The following WWOX variants were observed in gnomAD, a reference collection of about 807,000 sequenced individuals.
WWOX encodes WW domain-containing oxidoreductase.
In WWOX, 69 loss-of-function variants were observed where a neutral mutation model predicts 46.2. The ratio of observed to expected loss-of-function variants is 1.49; its 90% confidence interval spans 1.23 to 1.82. The LOEUF (loss-of-function observed/expected upper bound fraction) is 1.82, where lower values mean the gene tolerates loss of function less well. WWOX is among the 40% of genes most tolerant of loss of function. The probability of loss-of-function intolerance (pLI) is 0.00; values close to 1 mark genes in which losing one functional copy is unlikely to be tolerated. For synonymous variants in WWOX, 359 were observed against 202.6 expected, an observed-to-expected ratio of 1.77 and a Z score of -6.56; for missense variants, 919 against 542.6, an observed-to-expected ratio of 1.69 and a Z score of -6.89.
chr16:78,746,609 C>A (rs1056172876), intron 8 of WWOX, among the ~76,000 whole-genome samples: 24 of 149,638 alleles, frequency 1.6e-4, no homozygotes, highest in African/African-American at 5.9e-4. Flanking sequence ...TTTTTTTTTT[C>A]ATGGGATATT....
At chr16:78,661,227 G>GC (rs948698017) in intron 8 of WWOX, among the ~76,000 whole-genome samples, 1 of 152,008 alleles carries the variant, frequency 6.6e-6, no homozygotes, top group African/African-American at 2.4e-5. Flanking sequence ...AATGCCTGTG[G>GC]CCCCCCAGAA....
chr16:78,594,708 T>G (rs1226654422), intron 8 of WWOX, among the ~76,000 whole-genome samples: 1 of 152,078 alleles, frequency 6.6e-6, no homozygotes, highest in Non-Finnish European at 1.5e-5. Flanking sequence ...CTTTCTCCTT[T>G]GTCCCTTTTT....
Position 78,623,183 on chromosome 16 carries a change from C to G in WWOX, c.1056+190431C>G, listed in dbSNP as rs372532350. Reference sequence around the variant, plus strand: ...AGCTCAGCCATGCCCAGACTCCTATCCTATGGAAGCTTTAAGATAATAAAT... The same window carrying G: ...AGCTCAGCCATGCCCAGACTCCTATGCTATGGAAGCTTTAAGATAATAAAT... On this transcript the variant is annotated intron_variant, in intron 8 of 8. Transcript: ENST00000566780. Among the ~76,000 whole-genome samples the G allele has an allele frequency of 7.9e-5, 12 of 151,700 alleles. No homozygotes were observed. In the East Asian group the frequency reaches 1.4e-3, roughly 17 times the overall value.
intron 8 of WWOX, among the ~76,000 whole-genome samples, chr16:79,200,268 G>A (rs372632694): frequency 9.7e-4 from 148 of 152,292 alleles, no homozygotes; most frequent in African/African-American, 3.2e-3. Context: ...TGTGGAGAGG[G>A]CCTTGGCCAC....
intron 8 of WWOX, among the ~76,000 whole-genome samples, chr16:79,078,389 C>T (rs2048699497): frequency 6.6e-6 from 1 of 152,194 alleles, no homozygotes; most frequent in Admixed American, 6.5e-5. Flanking sequence ...GGAATCACTT[C>T]TCTGATTCTC....
intron 5 of WWOX, among the ~76,000 whole-genome samples, chr16:78,201,104 A>G (rs910299524): frequency 4.6e-5 from 7 of 152,230 alleles, no homozygotes; most frequent in Non-Finnish European, 8.8e-5. Context: ...AAGGGACTGT[A>G]CTATTTGGAA....
At position 78,314,671 on chromosome 16, in the gene WWOX, C is replaced by A. The variant is rs2080319346; in HGVS notation, c.517-72189C>A. Among the ~76,000 whole-genome samples the A allele has an allele frequency of 2.0e-5, 3 of 147,292 alleles. No individual in the cohort carries two copies. In the South Asian group the frequency reaches 6.6e-4, roughly 32 times the overall value. The stretch of plus-strand genomic sequence containing the variant: ...CCCTGAGTAGCTGGGACTACAGGCA[C>A]ACCCCACCCTGCAGGGGTTTTTTTT... On this transcript the variant is annotated intron_variant, in intron 5 of 8. Coordinates refer to ENST00000566780, the MANE Select transcript of WWOX (RefSeq NM_016373.4).
At chr16:78,150,511 T>G (rs1480229634) in intron 4 of WWOX, among the ~76,000 whole-genome samples, 1 of 152,200 alleles carries the variant, frequency 6.6e-6, no homozygotes, top group Non-Finnish European at 1.5e-5. Flanking sequence ...CCTGAGTAGC[T>G]GGGACTACAG....
At chr16:78,133,444 A>G (rs887143978) in intron 4 of WWOX, among the ~76,000 whole-genome samples, 2 of 152,168 alleles carry the variant, frequency 1.3e-5, no homozygotes, top group African/African-American at 4.8e-5. Flanking sequence ...TATTTTTATT[A>G]GAGACGGGGT....
At chr16:78,385,154 C>CACACACACACACACACACACACACAG (rs1555530206) in intron 5 of WWOX, among the ~76,000 whole-genome samples, 1 of 151,804 alleles carries the variant, frequency 6.6e-6, no homozygotes, top group African/African-American at 2.4e-5. Context: ...CACACACACA[C>CACACACACACACACACACACACACAG]ACACACAAAA....
intron 8 of WWOX, among the ~76,000 whole-genome samples, chr16:79,035,601 G>C (rs574514570): frequency 1.3e-5 from 2 of 152,158 alleles, no homozygotes; most frequent in Admixed American, 6.6e-5. Context: ...TGTGGTAGGT[G>C]GGATCTTGGC....
At position 78,340,197 on chromosome 16, in the gene WWOX, T is replaced by C. The variant is rs1257202348; in HGVS notation, c.517-46663T>C. On this transcript the variant is annotated intron_variant, in intron 5 of 8. Coordinates refer to ENST00000566780, the MANE Select transcript of WWOX (RefSeq NM_016373.4). The stretch of plus-strand genomic sequence containing the variant: ...TTCTTTTGGTAATTGTGTTTGATGA[T>C]AGTCTTTTTTTTTTTTTGAGATGGA... Among the ~76,000 whole-genome samples the C allele has an allele frequency of 2.9e-5, 3 of 102,712 alleles. 1 individual carries two copies. The highest frequency in any genetic ancestry group is 4.7e-5 in the Non-Finnish European group (2 of 42,802). The allele number at this position is 102,712 out of a possible 152,430, so 67.4% of individuals were successfully genotyped here. A position where few individuals can be genotyped will look rare whatever the true frequency, so the allele number is the denominator to read the frequency against.
At chr16:78,174,998 GTAATAA>G (rs368742234) in intron 5 of WWOX, among the ~76,000 whole-genome samples, 91 of 140,870 alleles carry the variant, frequency 6.5e-4, no homozygotes, top group African/African-American at 1.8e-3. Flanking sequence ...AAAAATAATA[GTAATAA>G]TAATAATAAT....
chr16:78,572,413 A>C (rs906545273), intron 8 of WWOX, among the ~76,000 whole-genome samples: 9 of 152,030 alleles, frequency 5.9e-5, no homozygotes, highest in South Asian at 2.1e-4. Flanking sequence ...CGGGCAACAT[A>C]CTGAGACCCC....
chr16:79,127,851 A>C (rs2049791759), intron 8 of WWOX, among the ~76,000 whole-genome samples: 1 of 152,200 alleles, frequency 6.6e-6, no homozygotes, highest in South Asian at 2.1e-4. Context: ...ATGTGCTTTA[A>C]GGAGAAATAT....
At chr16:78,967,593 C>T (rs1566882) in intron 8 of WWOX, among the ~76,000 whole-genome samples, 51,663 of 151,104 alleles carry the variant, frequency 0.34, 10,139 homozygotes, top group East Asian at 0.48. Context: ...GTGTGAGCCA[C>T]TATGCCCAAT....
At chr16:78,993,638 C>T (rs1028841016) in intron 8 of WWOX, among the ~76,000 whole-genome samples, 5 of 152,150 alleles carry the variant, frequency 3.3e-5, no homozygotes, top group African/African-American at 1.2e-4. Flanking sequence ...CCAGAGTGAG[C>T]CCATGGCTGT....
intron 8 of WWOX, among the ~76,000 whole-genome samples, chr16:78,645,616 G>T (rs1401067425): frequency 1.3e-5 from 2 of 152,096 alleles, no homozygotes; most frequent in Non-Finnish European, 2.9e-5. Flanking sequence ...GAGCAAGAGA[G>T]GGGAGGGGAG....
intron 8 of WWOX, among the ~76,000 whole-genome samples, chr16:78,467,782 C>T (rs943209856): frequency 6.6e-6 from 1 of 152,160 alleles, no homozygotes; most frequent in African/African-American, 2.4e-5. Flanking sequence ...ACTGAAACTT[C>T]TTTTTCTTCC....
Sources: allele counts gnomAD v4.1 joint callset (sites outside exome capture counted in the v4.1 genomes callset), GRCh38; gene constraint gnomAD v4.1.1; transcripts MANE v1.5; gene names NCBI Gene and HGNC (gene_info 2026-07-23, HGNC 2026-07-21).